The following BMPER variants were observed in gnomAD, a reference collection of about 807,000 sequenced individuals.
The protein encoded by BMPER is BMP binding endothelial regulator.
Under a neutral mutation model 87.3 loss-of-function variants are expected in BMPER, and 45 were observed. The observed-to-expected ratio is 0.52, with a 90% CI of 0.41 to 0.66. BMPER has a LOEUF of 0.66. Among genes scored for constraint, BMPER ranks in the 30% least tolerant of loss-of-function variants. The pLI, the probability that BMPER is intolerant of heterozygous loss-of-function variation, is 0.00. For missense variants in BMPER, 784 were observed against 867.5 expected, an observed-to-expected ratio of 0.90 and a Z score of 1.21; for synonymous variants, 326 against 316.2, an observed-to-expected ratio of 1.03 and a Z score of -0.33.
At chr7:34,024,530 A>T (rs1360216275) in intron 6 of BMPER, among the ~76,000 whole-genome samples, 1 of 147,852 alleles carries the variant, frequency 6.8e-6, no homozygotes, top group Non-Finnish European at 1.5e-5. Flanking sequence ...TGTTTCTCAT[A>T]GGTATCCTGT....
chr7:34,073,245 A>G (rs1264186391), intron 11 of BMPER, among the ~76,000 whole-genome samples: 2 of 152,204 alleles, frequency 1.3e-5, no homozygotes, highest in Non-Finnish European at 2.9e-5. Context: ...ATGTTGCTTA[A>G]TGGTAGGAAT....
intron 6 of BMPER, among the ~76,000 whole-genome samples, chr7:33,998,528 C>T (rs1042445971): frequency 2.0e-5 from 3 of 152,216 alleles, no homozygotes; most frequent in Admixed American, 6.5e-5. Context: ...AAAACTTAGG[C>T]ACTCTCAAGT....
intron 1 of BMPER, 33 bp from the exon 2 acceptor site, chr7:33,906,785 T>C: frequency 6.3e-7 from 1 of 1,582,130 alleles, no homozygotes; most frequent in East Asian, 2.2e-5. Context: ...TAAGCTAACT[T>C]TAAATGAAAC....
At chr7:33,995,107 T>G (rs1293703164) in intron 6 of BMPER, among the ~76,000 whole-genome samples, 1 of 152,200 alleles carries the variant, frequency 6.6e-6, no homozygotes, top group African/African-American at 2.4e-5. Flanking sequence ...TCATATACAT[T>G]TTTAAATAGT....
intron 13 of BMPER, among the ~76,000 whole-genome samples, chr7:34,096,505 T>C (rs1363133084): frequency 1.3e-5 from 2 of 152,118 alleles, no homozygotes; most frequent in African/African-American, 2.4e-5. Flanking sequence ...AAATACGAAA[T>C]AGGAGTGGAG....
At chr7:34,021,727 G>T (rs1256823740) in intron 6 of BMPER, among the ~76,000 whole-genome samples, 2 of 152,010 alleles carry the variant, frequency 1.3e-5, no homozygotes, top group African/African-American at 2.4e-5. Flanking sequence ...TATCTAGCAG[G>T]TATCTTCTTG....
At position 33,976,325 on chromosome 7, in the gene BMPER, GT is replaced by G. The variant is rs1785686985; in HGVS notation, c.576+1542del. 2.0e-5 allele frequency among the ~76,000 whole-genome samples: 3 copies of G among 151,916 alleles called. No individual in the cohort carries two copies. In the South Asian group the frequency reaches 6.3e-4, roughly 32 times the overall value. ...GCGCCACCAGGCCTGGCTAATTTTT[GT>G]ATTTTTAGTAGAAATGGGGTTCCAC... On this transcript the variant is annotated intron_variant, in intron 6 of 14. Coordinates refer to ENST00000649409, the MANE Select transcript of BMPER (RefSeq NM_001365308.1).
chr7:34,046,931 T>TTA, intron 7 of BMPER, among the ~76,000 whole-genome samples: 1 of 151,752 alleles, frequency 6.6e-6, no homozygotes, highest in South Asian at 2.1e-4. Flanking sequence ...ACTTTATTTT[T>TTA]TTTTTTTTCT....
rs763448943 is a variant in BMPER at position 34,058,126 on chromosome 7, G to A, written c.995G>A (p.Arg332His). 36 of 1,613,910 alleles carry A rather than the reference G, an allele frequency of 2.2e-5. No homozygotes were observed. Among genetic ancestry groups the A allele is most frequent in the African/African-American group, 5.3e-5 (4 of 74,886 alleles). ...TGTGTGAAAGGCAGGACGGAGTGTC[G>A]CAATAAGCAGTGCATTCCCATCAGT... is the stretch of plus-strand genomic sequence containing the variant. ...CACVKGRTECRNKQCIPISSC... is the reference protein window; with the variant it reads ...CACVKGRTECHNKQCIPISSC... The change falls in exon 10 of 15, where the codon CGC becomes CAC. Residue 332 changes from arginine (R) to histidine (H), a missense_variant. Transcript: ENST00000649409.
At chr7:34,068,059 C>T (rs926117353) in intron 11 of BMPER, among the ~76,000 whole-genome samples, 12 of 149,000 alleles carry the variant, frequency 8.1e-5, no homozygotes, top group Middle Eastern at 3.5e-3. Flanking sequence ...ATAATAACAA[C>T]AGTAGTACCC....
intron 5 of BMPER, among the ~76,000 whole-genome samples, chr7:33,971,422 A>G (rs908610817): frequency 2.0e-5 from 3 of 152,176 alleles, no homozygotes; most frequent in African/African-American, 4.8e-5. Flanking sequence ...GTCTTTATTC[A>G]GCCTCTTTTT....
At position 34,153,075 on chromosome 7, in the gene BMPER, C is replaced by G. The variant is rs1252280442; in HGVS notation, c.1877-17C>G. ...GCCTTTCTCCATGTTATGCCTTTGT[C>G]TCCTTCTCTTTTTCAGCCACCCAGT... On this transcript the variant is annotated splice_polypyrimidine_tract_variant and intron_variant, in intron 14 of 14. Coordinates refer to ENST00000649409, the MANE Select transcript of BMPER (RefSeq NM_001365308.1). 5 of 1,613,772 alleles carry G rather than the reference C, an allele frequency of 3.1e-6. No individual in the cohort carries two copies. The African/African-American group carries it at 4.0e-5, about 13-fold the overall frequency.
intron 14 of BMPER, among the ~76,000 whole-genome samples, chr7:34,144,196 T>C (rs918569388): frequency 1.4e-4 from 21 of 151,746 alleles, no homozygotes; most frequent in Non-Finnish European, 2.8e-4. Flanking sequence ...AGAGGAAACA[T>C]GTTTGATGGC....
intron 6 of BMPER, among the ~76,000 whole-genome samples, chr7:34,003,769 A>G (rs1207203625): frequency 6.6e-6 from 1 of 152,016 alleles, no homozygotes; most frequent in Non-Finnish European, 1.5e-5. Context: ...AGTGGTTTTG[A>G]TGATGAATCA....
intron 8 of BMPER, among the ~76,000 whole-genome samples, chr7:34,054,265 G>A (rs1788220148): frequency 1.3e-5 from 2 of 152,006 alleles, no homozygotes; most frequent in South Asian, 2.1e-4. Context: ...TGTACATAAA[G>A]CACGCTCTCT....
chr7:34,024,013 A>G (rs895821015), intron 6 of BMPER, among the ~76,000 whole-genome samples: 1 of 152,008 alleles, frequency 6.6e-6, no homozygotes, highest in Non-Finnish European at 1.5e-5. Context: ...TCTTACTACC[A>G]TAGCTTAATG....
chr7:34,012,911 C>A (rs1161827290), intron 6 of BMPER, among the ~76,000 whole-genome samples: 1 of 151,804 alleles, frequency 6.6e-6, no homozygotes, highest in African/African-American at 2.4e-5. Flanking sequence ...TGTTTCTATG[C>A]GATATTAAAA....
chr7:34,072,402 G>A (rs1254229393), intron 11 of BMPER, among the ~76,000 whole-genome samples: 4 of 151,738 alleles, frequency 2.6e-5, no homozygotes, highest in Admixed American at 2.6e-4. Flanking sequence ...CAGCAGGGCT[G>A]TGTTTCTTCT....
At position 34,153,338 on chromosome 7, in the gene BMPER, G is replaced by A. The variant is rs912469940; in HGVS notation, c.*65G>A. 6.4e-6 allele frequency: 10 copies of A among 1,563,764 alleles called. No individual in the cohort carries two copies. The African/African-American group carries it at 1.1e-4, about 17-fold the overall frequency. On this transcript the variant is annotated 3_prime_UTR_variant, in exon 15 of 15. Coordinates refer to ENST00000649409, the MANE Select transcript of BMPER (RefSeq NM_001365308.1). ...TTGACACTGAAGCGGAAGAGCCAAT[G>A]AAGGACTGCAGTATTTGTGTGCCCG...
Sources: gnomAD v4.1 joint callset for allele counts (sites outside exome capture counted in the v4.1 genomes callset) on GRCh38, gnomAD v4.1.1 for gene constraint, MANE v1.5 for transcripts, NCBI Gene and HGNC (gene_info 2026-07-23, HGNC 2026-07-21) for gene names.